APTX: variants seen among roughly 807,000 people sequenced by gnomAD.
The protein encoded by APTX is aprataxin.
A neutral mutation model predicts 42.3 loss-of-function variants in APTX; 33 were observed. The ratio of observed to expected loss-of-function variants is 0.78; its 90% CI spans 0.59 to 1.04. The LOEUF (loss-of-function observed/expected upper bound fraction) is 1.04. Ranked by LOEUF, APTX falls within the 50% of genes least tolerant of loss-of-function variation. The pLI is 0.00. For synonymous variants in APTX, 130 were observed against 146.7 expected (o/e 0.89, Z 0.82); for missense variants, 421 against 415.1 (o/e 1.01, Z -0.12).
At chr9:32,975,681 A>G (rs760079817) in intron 6 of APTX, among the ~76,000 whole-genome samples, 6 of 152,232 alleles carry the variant, frequency 3.9e-5, no homozygotes, top group Admixed American at 6.5e-5. Context: ...CCTGGGTGAC[A>G]AAGTTAGACT....
chr9:33,001,429 G>A (rs548266103), intron 1 of APTX, 138 bp downstream of exon 1: 65 of 1,547,002 alleles, frequency 4.2e-5, no homozygotes, highest in Non-Finnish European at 5.2e-5. Flanking sequence ...GGAGGACGGA[G>A]AAAGCAGCCG....
intron 1 of APTX, among the ~76,000 whole-genome samples, chr9:33,020,687 C>T (rs1286690294): frequency 6.6e-6 from 1 of 152,240 alleles, no homozygotes; most frequent in Non-Finnish European, 1.5e-5. Flanking sequence ...GGTTATATCA[C>T]CCCATCCCTA....
chr9:33,021,575 C>T (rs1268312644), intron 1 of APTX, among the ~76,000 whole-genome samples: 1 of 152,128 alleles, frequency 6.6e-6, no homozygotes, highest in Non-Finnish European at 1.5e-5. Flanking sequence ...ATAATACCAG[C>T]ACTTTGGGAC....
At chr9:33,014,823 G>A (rs941019816) in intron 1 of APTX, among the ~76,000 whole-genome samples, 2 of 152,184 alleles carry the variant, frequency 1.3e-5, no homozygotes, top group South Asian at 2.1e-4. Context: ...TGGTCACCCG[G>A]TCAGGGATAC....
intron 1 of APTX, among the ~76,000 whole-genome samples, chr9:33,009,605 C>A (rs1187347863): frequency 6.6e-6 from 1 of 151,842 alleles, no homozygotes; most frequent in Non-Finnish European, 1.5e-5. Context: ...AAAGTGAGAC[C>A]CTCTCTCTAT....
At chr9:33,013,935 C>T (rs1364651034) in intron 1 of APTX, among the ~76,000 whole-genome samples, 1 of 152,130 alleles carries the variant, frequency 6.6e-6, no homozygotes, top group Admixed American at 6.5e-5. Context: ...CAGGCCTCAC[C>T]CCTAGGGCTG....
intron 1 of APTX, among the ~76,000 whole-genome samples, chr9:33,015,701 A>G (rs1440205555): frequency 6.6e-6 from 1 of 152,194 alleles, no homozygotes; most frequent in Admixed American, 6.5e-5. Flanking sequence ...GCCACAATAC[A>G]CCAATCTTAA....
chr9:32,983,847 T>C (rs1831268363), intron 6 of APTX, among the ~76,000 whole-genome samples: 1 of 151,244 alleles, frequency 6.6e-6, no homozygotes, highest in East Asian at 1.9e-4. Context: ...TTGCCAGGAG[T>C]GGGAGGGGGA....
At chr9:33,004,623 G>A (rs918573079), upstream of APTX, among the ~76,000 whole-genome samples, 2 of 142,800 alleles carry the variant, frequency 1.4e-5, no homozygotes, top group African/African-American at 5.1e-5. Context: ...CCACATTCTT[G>A]CCAACCCTTT....
intron 4 of APTX, 67 bp from the exon 5 acceptor site, chr9:32,986,097 T>C (rs1451648878): frequency 7.1e-7 from 1 of 1,407,512 alleles, no homozygotes; most frequent in Non-Finnish European, 9.7e-7. Context: ...CAAATGCCAA[T>C]AATTAAATTT....
At chr9:33,010,164 T>C (rs1837436788) in intron 1 of APTX, among the ~76,000 whole-genome samples, 1 of 152,270 alleles carries the variant, frequency 6.6e-6, no homozygotes, top group South Asian at 2.1e-4. Context: ...CAGGCAATAG[T>C]AGTTCCCAGA....
At chr9:32,981,061 T>C (rs139840982) in intron 6 of APTX, among the ~76,000 whole-genome samples, 9 of 152,342 alleles carry the variant, frequency 5.9e-5, no homozygotes, top group Non-Finnish European at 1.2e-4. Flanking sequence ...GAAGAAAATA[T>C]ATTAACTATA....
At chr9:32,989,635 A>G in intron 2 of APTX, 124 bp downstream of exon 2, 1 of 1,446,978 alleles carries the variant, frequency 6.9e-7, no homozygotes, top group Non-Finnish European at 9.6e-7. Context: ...AAAAGAGCTC[A>G]GTTCCTGAGC....
chr9:32,998,621 C>G (rs951484319), intron 1 of APTX, among the ~76,000 whole-genome samples: 4 of 151,788 alleles, frequency 2.6e-5, no homozygotes, highest in African/African-American at 7.3e-5. Context: ...AACACAGGAA[C>G]AGAAAACCAA....
intron 1 of APTX, among the ~76,000 whole-genome samples, chr9:32,999,098 T>A (rs1199036989): frequency 1.3e-5 from 2 of 152,188 alleles, no homozygotes; most frequent in African/African-American, 4.8e-5. Context: ...TCAATACTTG[T>A]TGAATAAATC....
chr9:33,013,589 A>G (rs1057281873), intron 1 of APTX, among the ~76,000 whole-genome samples: 6 of 152,254 alleles, frequency 3.9e-5, no homozygotes, highest in East Asian at 1.9e-4. Flanking sequence ...GGCAGATCAC[A>G]AGGTCAGGAG....
At chr9:32,974,180 A>G (rs1322597947) in intron 7 of APTX, among the ~76,000 whole-genome samples, 1 of 152,162 alleles carries the variant, frequency 6.6e-6, no homozygotes, top group East Asian at 1.9e-4. Flanking sequence ...GAACTCCACT[A>G]ATTCTCACGG....
intron 1 of APTX, among the ~76,000 whole-genome samples, chr9:33,010,017 C>G (rs918717022): frequency 2.6e-5 from 4 of 152,156 alleles, no homozygotes; most frequent in African/African-American, 7.2e-5. Flanking sequence ...TTTCTTGAAC[C>G]CATTCAGTCA....
chr9:32,984,529 C>T, intron 6 of APTX, 102 bp downstream of exon 6: 1 of 1,217,694 alleles, frequency 8.2e-7, no homozygotes. Context: ...CATCCCACTT[C>T]CCTGGGTCTC....
Sources: gnomAD v4.1 joint callset for allele counts (sites outside exome capture counted in the v4.1 genomes callset) on GRCh38, gnomAD v4.1.1 for gene constraint, MANE v1.5 for transcripts, NCBI Gene and HGNC (gene_info 2026-07-23, HGNC 2026-07-21) for gene names.